Variants in CREB5 observed in about 807,000 individuals in gnomAD.
CREB5 encodes cAMP responsive element binding protein 5.
CREB5 carries 19 observed loss-of-function variants against 57.1 expected under a neutral mutation model. The observed-to-expected ratio is 0.33, with a 90% CI of 0.23 to 0.49. The LOEUF (loss-of-function observed/expected upper bound fraction) is 0.49, where lower values mean the gene tolerates loss of function less well. Among genes scored for constraint, CREB5 ranks in the 20% least tolerant of loss-of-function variants. The pLI, the probability that CREB5 is intolerant of heterozygous loss-of-function variation, is 0.99. For missense variants in CREB5, 579 were observed against 671.6 expected (o/e 0.86, Z 1.52); for synonymous variants, 238 against 238.3 (o/e 1.00, Z 0.01).
At chr7:28,376,794 G>T (rs1325636398) in intron 1 of CREB5, among the ~76,000 whole-genome samples, 1 of 152,130 alleles carries the variant, frequency 6.6e-6, no homozygotes, top group African/African-American at 2.4e-5. Flanking sequence ...GGATAGCTTG[G>T]GCTGGGCTCC....
intron 5 of CREB5, among the ~76,000 whole-genome samples, chr7:28,693,643 A>G (rs1348344775): frequency 6.6e-6 from 1 of 152,228 alleles, no homozygotes; most frequent in Non-Finnish European, 1.5e-5. Context: ...TTGGAGTCAG[A>G]CAGACCTGGG....
chr7:28,737,802 G>A (rs1804115215), intron 7 of CREB5, among the ~76,000 whole-genome samples: 1 of 151,764 alleles, frequency 6.6e-6, no homozygotes, highest in Non-Finnish European at 1.5e-5. Context: ...TAGTTACCAT[G>A]TCCTTTGTAG....
chr7:28,685,377 G>T (rs953566542), intron 5 of CREB5, among the ~76,000 whole-genome samples: 1 of 152,168 alleles, frequency 6.6e-6, no homozygotes, highest in South Asian at 2.1e-4. Flanking sequence ...ACACGGGCAC[G>T]TGTTTGGACC....
At chr7:28,552,908 T>G (rs773810287) in intron 4 of CREB5, among the ~76,000 whole-genome samples, 44 of 152,164 alleles carry the variant, frequency 2.9e-4, no homozygotes, top group Non-Finnish European at 4.4e-4. Context: ...TCTCAACATC[T>G]CTGTTAGGAA....
intron 5 of CREB5, among the ~76,000 whole-genome samples, chr7:28,608,698 A>T (rs1228228458): frequency 6.6e-6 from 1 of 152,198 alleles, no homozygotes; most frequent in Non-Finnish European, 1.5e-5. Context: ...CTCCTTCAGA[A>T]ATCATTACCA....
At chr7:28,709,604 C>T (rs1802300448) in intron 5 of CREB5, among the ~76,000 whole-genome samples, 1 of 151,570 alleles carries the variant, frequency 6.6e-6, no homozygotes, top group African/African-American at 2.4e-5. Flanking sequence ...TAAAACAAGG[C>T]AAAGTCTCCA....
intron 5 of CREB5, among the ~76,000 whole-genome samples, chr7:28,666,105 T>C (rs1192778608): frequency 6.6e-6 from 1 of 152,162 alleles, no homozygotes; most frequent in Non-Finnish European, 1.5e-5. Flanking sequence ...TAAGGAGCGA[T>C]TGCCAAAAGT....
At chr7:28,560,813 T>TGTGC (rs1175114675) in intron 4 of CREB5, among the ~76,000 whole-genome samples, 1 of 59,938 alleles carries the variant, frequency 1.7e-5, no homozygotes, top group African/African-American at 4.2e-5. Context: ...TGTGCGCGTG[T>TGTGC]GTGTGTGTGC....
intron 5 of CREB5, 136 bp downstream of exon 5, chr7:28,570,673 CT>C: frequency 1.0e-6 from 1 of 998,760 alleles, no homozygotes; most frequent in Non-Finnish European, 1.4e-6. Context: ...CAGAGTGATG[CT>C]TTTGATGGGA....
intron 5 of CREB5, among the ~76,000 whole-genome samples, chr7:28,689,696 A>C (rs1467207928): frequency 6.6e-6 from 1 of 152,124 alleles, no homozygotes; most frequent in Non-Finnish European, 1.5e-5. Context: ...TTAAAAACTC[A>C]AGTTTATGTT....
intron 5 of CREB5, among the ~76,000 whole-genome samples, chr7:28,689,810 G>A (rs1374154991): frequency 6.6e-6 from 1 of 152,080 alleles, no homozygotes; most frequent in African/African-American, 2.4e-5. Context: ...AAAAGCCTGT[G>A]TCTGCTGCAT....
At chr7:28,336,325 C>CGA (rs1316626147) in intron 1 of CREB5, among the ~76,000 whole-genome samples, 1 of 151,938 alleles carries the variant, frequency 6.6e-6, no homozygotes, top group Non-Finnish European at 1.5e-5. Context: ...CATTGAGTCT[C>CGA]GGGCTTTTCT....
chr7:28,677,084 T>C (rs1182669206), intron 5 of CREB5, among the ~76,000 whole-genome samples: 1 of 152,194 alleles, frequency 6.6e-6, no homozygotes, highest in Non-Finnish European at 1.5e-5. Context: ...GACAGATTAC[T>C]AAATACTTTT....
At chr7:28,771,355 C>T (rs1002614500) in intron 7 of CREB5, among the ~76,000 whole-genome samples, 83 of 152,276 alleles carry the variant, frequency 5.5e-4, no homozygotes, top group African/African-American at 1.9e-3. Context: ...GTTCCCTCAT[C>T]AAGGGAGCCA....
chr7:28,639,542 A>G lies in CREB5; in HGVS notation c.464+69005A>G, dbSNP rs143743846. ...AATCCATGTTTTAATTTTTCATAAT[A>G]CAAGTGTGAGTTGGAATCAAGACCT... is the stretch of plus-strand genomic sequence containing the variant. On this transcript the variant is annotated intron_variant, in intron 5 of 10. Coordinates refer to ENST00000357727, the MANE Select transcript of CREB5 (RefSeq NM_182898.4). Among the ~76,000 whole-genome samples, 56 of 152,296 alleles carry G rather than the reference A, an allele frequency of 3.7e-4. No individual in the cohort carries two copies. In the East Asian group the frequency reaches 4.8e-3, roughly 13 times the overall value.
At chr7:28,385,274 AG>A (rs1787064953) in intron 1 of CREB5, among the ~76,000 whole-genome samples, 1 of 152,234 alleles carries the variant, frequency 6.6e-6, no homozygotes, top group Admixed American at 6.5e-5. Flanking sequence ...TACAAAAAAA[AG>A]AATCTTGCTC....
At chr7:28,454,372 T>TG (rs1335208970) in intron 1 of CREB5, among the ~76,000 whole-genome samples, 1 of 152,208 alleles carries the variant, frequency 6.6e-6, no homozygotes, top group African/African-American at 2.4e-5. Context: ...CTGTTCTTCC[T>TG]GGGGCACCAG....
At chr7:28,366,247 T>A (rs1786583771) in intron 1 of CREB5, among the ~76,000 whole-genome samples, 1 of 152,220 alleles carries the variant, frequency 6.6e-6, no homozygotes, top group Non-Finnish European at 1.5e-5. Flanking sequence ...AAGTCAAAAC[T>A]TTTTTAGATT....
chr7:28,566,678 G>A (rs216748), intron 4 of CREB5, among the ~76,000 whole-genome samples: 102,038 of 151,668 alleles, frequency 0.67, 34,786 homozygotes, highest in African/African-American at 0.79. Context: ...AAAAAAAATC[G>A]CCTTCTCTTA....
Sources: allele counts gnomAD v4.1 joint callset (sites outside exome capture counted in the v4.1 genomes callset), GRCh38; gene constraint gnomAD v4.1.1; transcripts MANE v1.5; gene names NCBI Gene and HGNC (gene_info 2026-07-23, HGNC 2026-07-21).